ADI1: variants seen among roughly 807,000 people sequenced by gnomAD.
The protein encoded by ADI1 is acireductone dioxygenase 1, also known as acireductone dioxygenase.
A neutral mutation model predicts 18.7 loss-of-function variants in ADI1; 21 were observed. That is an observed-to-expected ratio of 1.13 (90% CI 0.80 to 1.62). ADI1 has a LOEUF of 1.62. ADI1 is among the 40% of genes most tolerant of loss of function. ADI1 has a pLI of 0.00. For missense variants in ADI1, 245 were observed against 254.9 expected, an observed-to-expected ratio of 0.96 and a Z score of 0.26; for synonymous variants, 90 against 100.1, an observed-to-expected ratio of 0.90 and a Z score of 0.60.
At chr2:3,508,334 C>CAAAAAAAAAAAAAAAAAAAAAAAAA (rs33977448) in intron 2 of ADI1, among the ~76,000 whole-genome samples, 3 of 26,922 alleles carry the variant, frequency 1.1e-4, no homozygotes, top group Admixed American at 5.0e-4. Context: ...GACTCTGTCT[C>CAAAAAAAAAAAAAAAAAAAAAAAAA]AAAAAAAAAA....
At chr2:3,516,637 G>A in intron 1 of ADI1, 8 of 786,028 alleles carry the variant, frequency 1.0e-5, no homozygotes, top group Non-Finnish European at 1.2e-5. Context: ...TTAGCCTCTA[G>A]AACTATAAGA....
intron 3 of ADI1, 124 bp from the exon 4 acceptor site, chr2:3,499,206 G>T: frequency 7.1e-7 from 1 of 1,409,644 alleles, no homozygotes; most frequent in Non-Finnish European, 9.4e-7. Flanking sequence ...TTTTTATTCT[G>T]CGTCTTTAAC....
intron 2 of ADI1, among the ~76,000 whole-genome samples, chr2:3,512,046 G>A (rs1278814791): frequency 6.6e-6 from 1 of 152,260 alleles, no homozygotes; most frequent in Non-Finnish European, 1.5e-5. Context: ...ATGCGCAGAT[G>A]CAAGGGCAAA....
chr2:3,513,001 T>A (rs540545896), intron 2 of ADI1, among the ~76,000 whole-genome samples: 1 of 152,152 alleles, frequency 6.6e-6, no homozygotes, highest in Admixed American at 6.5e-5. Flanking sequence ...GGACATGGAG[T>A]CAAAGGGTAT....
intron 2 of ADI1, among the ~76,000 whole-genome samples, chr2:3,503,759 G>C (rs1449852201): frequency 4.6e-5 from 7 of 152,148 alleles, no homozygotes; most frequent in African/African-American, 1.7e-4. Context: ...ATGCGCCAGG[G>C]GACAGAAGTC....
At chr2:3,501,653 A>G (rs1161982863) in intron 2 of ADI1, among the ~76,000 whole-genome samples, 1 of 151,638 alleles carries the variant, frequency 6.6e-6, no homozygotes, top group East Asian at 2.0e-4. Context: ...CGTGCCTCCC[A>G]AGTAGCTGGG....
chr2:3,501,713 A>G (rs1667017353), intron 2 of ADI1, among the ~76,000 whole-genome samples: 2 of 151,950 alleles, frequency 1.3e-5, no homozygotes, highest in East Asian at 1.9e-4. Context: ...TTCTCAGTAG[A>G]GATGGGGTTT....
At chr2:3,506,116 T>C (rs1356775021) in intron 2 of ADI1, among the ~76,000 whole-genome samples, 1 of 152,198 alleles carries the variant, frequency 6.6e-6, no homozygotes, top group African/African-American at 2.4e-5. Flanking sequence ...AGCCATCATG[T>C]CCCACTTAAA....
At chr2:3,519,304 G>A (rs1483325096) in intron 1 of ADI1, 64 bp downstream of exon 1, 9 of 1,338,630 alleles carry the variant, frequency 6.7e-6, no homozygotes, top group Non-Finnish European at 8.6e-6. Flanking sequence ...GAGGAGGCTG[G>A]GCTGTGCGCG....
At chr2:3,511,503 CAGATGGTGGTGACAGGAAGCACATGCT>C in intron 2 of ADI1, among the ~76,000 whole-genome samples, 1 of 152,302 alleles carries the variant, frequency 6.6e-6, no homozygotes, top group East Asian at 1.9e-4. Context: ...TCCCCAGAAG[CAGATGGTGGTGACAGGAAGCACATGCT>C]TCCTGTAGAG....
In ADI1 at chr2:3,503,298, CAT is replaced by C. The variant is rs897500961; in HGVS notation, c.241-2307_241-2306del. Among the ~76,000 whole-genome samples the C allele has an allele frequency of 1.5e-5, 2 of 135,610 alleles. 1 individual carries two copies. Among genetic ancestry groups the C allele is most frequent in the African/African-American group, 6.7e-5 (2 of 29,682 alleles). The allele number at this position is 135,610 out of a possible 152,430, so 89.0% of individuals were successfully genotyped here. ...TCATGTGCATTCACACACATGCACA[CAT>C]ACACACTGACACGCACATTCACACA... On this transcript the variant is annotated intron_variant, in intron 2 of 3. Coordinates refer to ENST00000327435, the MANE Select transcript of ADI1 (RefSeq NM_018269.4).
At chr2:3,507,326 TGA>T (rs1468326552) in intron 2 of ADI1, among the ~76,000 whole-genome samples, 2 of 151,976 alleles carry the variant, frequency 1.3e-5, no homozygotes, top group East Asian at 1.9e-4. Context: ...TCCAGGAAAC[TGA>T]GAGAACACCA....
At chr2:3,516,626 C>T (rs1349942212) in intron 1 of ADI1, 67 of 728,708 alleles carry the variant, frequency 9.2e-5, no homozygotes, top group Non-Finnish European at 1.1e-4. Context: ...TCTTGGACTT[C>T]TTAGCCTCTA....
intron 1 of ADI1, among the ~76,000 whole-genome samples, chr2:3,518,889 CGTGCGCAGCGAGTCCCGGCTGCGA>C (rs1558431420): frequency 1.3e-5 from 2 of 152,344 alleles, no homozygotes; most frequent in Middle Eastern, 3.4e-3. Flanking sequence ...CGGAGCTGCG[CGTGCGCAGCGAGTCCCGGCTGCGA>C]GGCCCCTGAC....
At chr2:3,514,438 A>G (rs1420879953) in intron 1 of ADI1, among the ~76,000 whole-genome samples, 1 of 152,232 alleles carries the variant, frequency 6.6e-6, no homozygotes, top group African/African-American at 2.4e-5. Flanking sequence ...ATTAAACTGG[A>G]ATGAGAAACC....
rs549881343 is a variant in ADI1, at chr2:3,498,059, C to T, written c.*904G>A. 2.0e-5 allele frequency: 3 copies of T among 152,114 alleles called. No homozygotes were observed. Among genetic ancestry groups the T allele is most frequent in the Non-Finnish European group, 4.4e-5 (3 of 68,040 alleles). 9.4% of individuals were successfully genotyped at this position (152,114 alleles called of 1,614,324 possible). A position where few individuals can be genotyped will look rare whatever the true frequency, so the allele number is the denominator to read the frequency against. ...ACAGAGTTTACTTAAACATTTAAGG[C>T]TTGAGTTTCCTCTGTACAGTGTGGA... On this transcript the variant is annotated 3_prime_UTR_variant, in exon 4 of 4. Coordinates refer to ENST00000327435, the MANE Select transcript of ADI1 (RefSeq NM_018269.4).
intron 1 of ADI1, 59 bp from the exon 2 acceptor site, chr2:3,514,035 T>C: frequency 6.5e-7 from 1 of 1,534,190 alleles, no homozygotes; most frequent in East Asian, 2.3e-5. Flanking sequence ...TGTAGAAACA[T>C]TCTCTTTCTG....
chr2:3,515,005 A>G (rs1280392386), intron 1 of ADI1: 2 of 889,260 alleles, frequency 2.2e-6, no homozygotes, highest in Admixed American at 3.2e-5. Context: ...ATGTCACCTC[A>G]GGACCACTGT....
chr2:3,503,843 T>G (rs1437950935), intron 2 of ADI1, among the ~76,000 whole-genome samples: 2 of 152,158 alleles, frequency 1.3e-5, no homozygotes, highest in Middle Eastern at 3.4e-3. Flanking sequence ...CCAGCAAGAA[T>G]AGACCCTAGA....
Sources: allele counts gnomAD v4.1 joint callset (sites outside exome capture counted in the v4.1 genomes callset), GRCh38; gene constraint gnomAD v4.1.1; transcripts MANE v1.5; gene names NCBI Gene and HGNC (gene_info 2026-07-23, HGNC 2026-07-21).